Variants in ZNF99 observed in about 807,000 individuals in gnomAD.
ZNF99 encodes zinc finger protein 99.
ZNF99 carries 8 observed loss-of-function variants against 12.8 expected under a neutral mutation model. That is an observed-to-expected ratio of 0.62 (90% CI 0.37 to 1.13). The LOEUF is 1.13. Among genes scored for constraint, ZNF99 ranks in the 50% most tolerant of loss-of-function variants. ZNF99 has a pLI of 0.02. For missense variants in ZNF99, 1,007 were observed against 1,006.2 expected (o/e 1.00, Z -0.01); for synonymous variants, 318 against 319.0 (o/e 1.00, Z 0.03).
At chr19:22,775,530 A>C (rs2145156811) in intron 1 of ZNF99, among the ~76,000 whole-genome samples, 1 of 152,328 alleles carries the variant, frequency 6.6e-6, no homozygotes, top group Middle Eastern at 3.4e-3. Context: ...TACCAAAAGC[A>C]ACTGCAACAG....
intron 1 of ZNF99, among the ~76,000 whole-genome samples, chr19:22,779,876 C>T (rs936722626): frequency 2.6e-5 from 4 of 152,170 alleles, no homozygotes; most frequent in African/African-American, 7.2e-5. Context: ...TGTTGCAATA[C>T]CCTTTTGGAA....
chr19:22,763,578 C>T (rs1364148943), intron 3 of ZNF99, among the ~76,000 whole-genome samples: 2 of 151,990 alleles, frequency 1.3e-5, no homozygotes, highest in Non-Finnish European at 2.9e-5. Flanking sequence ...AAATTAAATG[C>T]AATTTCCATC....
At position 22,759,673 on chromosome 19, in the gene ZNF99, GAACT is replaced by G; in HGVS notation, c.232_235del (p.Ser78LeufsTer13). 6.5e-7 allele frequency: 1 copy of G among 1,529,748 alleles called. No individual in the cohort carries two copies. Among genetic ancestry groups the G allele is most frequent in the East Asian group, 2.3e-5 (1 of 43,700 alleles). 94.8% of individuals were successfully genotyped at this position (1,529,748 alleles called of 1,614,324 possible). On this transcript the variant is annotated frameshift_variant, in exon 4 of 4. Transcript: ENST00000596209. LOFTEE classifies it low-confidence loss of function (END_TRUNC). ...TGGCCAAAAGTCTTGTGTAAAATGA[GAACT>G]AATAACTGGAAGAAATGAAAATAAT...
In ZNF99 at chr19:22,771,246, C is replaced by CTTTTTTT. The variant is rs74174102; in HGVS notation, c.4-1929_4-1923dup. ...GCAACTTGCCTTTAAAAAGCATTTT[C>CTTTTTTT]TTTTTTTTTTTTTTTTTTTTTTTTT... On this transcript the variant is annotated intron_variant, in intron 1 of 3. Transcript: ENST00000596209. 3.1e-4 allele frequency: 21 copies of CTTTTTTT among 68,198 alleles called. 2 individuals carry two copies. The highest frequency in any genetic ancestry group is 1.2e-3 in the African/African-American group (18 of 14,700). 4.2% of individuals were successfully genotyped at this position (68,198 alleles called of 1,614,324 possible). A position where few individuals can be genotyped will look rare whatever the true frequency, so the allele number is the denominator to read the frequency against.
chr19:22,757,185 C>T lies in ZNF99; in HGVS notation c.*129G>A, dbSNP rs531719127. ...GTAAGGTGTGAGGACTGCTTAAAAG[C>T]TTTGCCACATTCTTCACATTTGTAT... On this transcript the variant is annotated 3_prime_UTR_variant, in exon 4 of 4. Transcript: ENST00000596209. The T allele has an allele frequency of 3.9e-4, 627 of 1,613,258 alleles. 5 individuals are homozygous for T. In the South Asian group the frequency reaches 6.4e-3, roughly 16 times the overall value.
intron 1 of ZNF99, among the ~76,000 whole-genome samples, chr19:22,778,400 A>G (rs1973352353): frequency 6.6e-6 from 1 of 151,878 alleles, no homozygotes; most frequent in Admixed American, 6.6e-5. Context: ...TCCCACACCA[A>G]CTCACTGTCT....
At chr19:22,781,123 T>C (rs1180121235) in intron 1 of ZNF99, among the ~76,000 whole-genome samples, 1 of 152,210 alleles carries the variant, frequency 6.6e-6, no homozygotes, top group Non-Finnish European at 1.5e-5. Flanking sequence ...CATCTCTTTT[T>C]TGCCCTTGGT....
In ZNF99 at chr19:22,755,783, T is replaced by C. The variant is rs1427918116; in HGVS notation, c.*1531A>G. Reference sequence around the variant, plus strand: ...AAAGCTTTGCCACATTCCTCACATTTGAAGGGTTTATCTTCAGTATGAATT... The same window carrying C: ...AAAGCTTTGCCACATTCCTCACATTCGAAGGGTTTATCTTCAGTATGAATT... On this transcript the variant is annotated 3_prime_UTR_variant, in exon 4 of 4. Transcript: ENST00000596209. 6.1e-6 allele frequency: 2 copies of C among 329,832 alleles called. No individual in the cohort carries two copies. Among genetic ancestry groups the C allele is most frequent in the African/African-American group, 2.2e-5 (1 of 46,336 alleles). The allele number at this position is 329,832 out of a possible 1,614,324, so 20.4% of individuals were successfully genotyped here. A position where few individuals can be genotyped will look rare whatever the true frequency, so the allele number is the denominator to read the frequency against.
intron 1 of ZNF99, among the ~76,000 whole-genome samples, chr19:22,780,081 G>A (rs1379309597): frequency 6.6e-6 from 1 of 152,048 alleles, no homozygotes; most frequent in Admixed American, 6.6e-5. Context: ...CTCCTTCCAT[G>A]ACTGGGGTGA....
chr19:22,767,450 A>G (rs1973217048), intron 3 of ZNF99, among the ~76,000 whole-genome samples: 1 of 152,192 alleles, frequency 6.6e-6, no homozygotes, highest in South Asian at 2.1e-4. Flanking sequence ...AGTAGCCACA[A>G]TTGGGTGAGG....
At chr19:22,759,771 G>C in intron 3 of ZNF99, 89 bp from the exon 4 acceptor site, 1 of 981,956 alleles carries the variant, frequency 1.0e-6, no homozygotes, top group East Asian at 2.8e-5. Context: ...TATACAAACC[G>C]CTTAAGCAAG....
rs199782935 is a variant in ZNF99 at position 22,778,157 on chromosome 19, T to A, written c.3+5857A>T. Reference sequence around the variant, plus strand: ...TGCACATGTATCCTAGAACTTAAATTAAAAAAAAAAAGAAAAAGGCGGTCT... The same window carrying A: ...TGCACATGTATCCTAGAACTTAAATAAAAAAAAAAAAGAAAAAGGCGGTCT... On this transcript the variant is annotated intron_variant, in intron 1 of 3. Coordinates refer to ENST00000596209, the MANE Select transcript of ZNF99 (RefSeq NM_001080409.3). Among the ~76,000 whole-genome samples, 705 of 96,688 alleles carry A rather than the reference T, an allele frequency of 7.3e-3. 8 individuals carry two copies. Among genetic ancestry groups the A allele is most frequent in the African/African-American group, 0.039 (664 of 17,184 alleles). 63.4% of individuals were successfully genotyped at this position (96,688 alleles called of 152,430 possible). A position where few individuals can be genotyped will look rare whatever the true frequency, so the allele number is the denominator to read the frequency against.
chr19:22,756,403 AT>A lies in ZNF99; in HGVS notation c.*910del. The A allele has an allele frequency of 6.3e-7, 1 of 1,589,164 alleles. No homozygotes were observed. The highest frequency in any genetic ancestry group is 8.6e-7 in the Non-Finnish European group (1 of 1,169,450). On this transcript the variant is annotated 3_prime_UTR_variant, in exon 4 of 4. Coordinates refer to ENST00000596209, the MANE Select transcript of ZNF99 (RefSeq NM_001080409.3). ...GTTTCTCTCCAGAATGAATTATCTT[AT>A]GTTTAGTAAGGTTTGAGGACTAAAT...
rs1887207063 is a variant in ZNF99, at chr19:22,755,342, T to TA, written c.*1971dup. On this transcript the variant is annotated 3_prime_UTR_variant, in exon 4 of 4. Coordinates refer to ENST00000596209, the MANE Select transcript of ZNF99 (RefSeq NM_001080409.3). ...TGTTGAGTAAGGTCTGAAAACCAGT[T>TA]AAAAGCTTTGCCACAGTTTTCATAT... The TA allele has an allele frequency of 3.8e-6, 1 of 266,116 alleles. No individual in the cohort carries two copies. Among genetic ancestry groups the TA allele is most frequent in the Non-Finnish European group, 7.8e-6 (1 of 128,738 alleles). The allele number at this position is 266,116 out of a possible 1,614,324, so 16.5% of individuals were successfully genotyped here. A position where few individuals can be genotyped will look rare whatever the true frequency, so the allele number is the denominator to read the frequency against.
chr19:22,767,524 T>C (rs528020683), intron 3 of ZNF99, among the ~76,000 whole-genome samples: 80 of 152,272 alleles, frequency 5.3e-4, no homozygotes, highest in African/African-American at 1.9e-3. Flanking sequence ...AAAAGATTGA[T>C]ATTATATAAT....
At chr19:22,760,595 T>C (rs1392657807) in intron 3 of ZNF99, among the ~76,000 whole-genome samples, 2 of 152,004 alleles carry the variant, frequency 1.3e-5, no homozygotes, top group East Asian at 1.9e-4. Flanking sequence ...ATACAAAAAA[T>C]TCGCCAGGTG....
intron 1 of ZNF99, among the ~76,000 whole-genome samples, chr19:22,780,352 CTATT>C (rs1973373836): frequency 6.6e-6 from 1 of 152,174 alleles, no homozygotes; most frequent in South Asian, 2.1e-4. Flanking sequence ...ACAAAAGTAT[CTATT>C]CTTTTCAGAC....
intron 1 of ZNF99, among the ~76,000 whole-genome samples, chr19:22,780,315 C>T (rs1265073140): frequency 1.3e-5 from 2 of 152,180 alleles, no homozygotes; most frequent in East Asian, 1.9e-4. Context: ...TTTTAAGGTG[C>T]TTACACTTTA....
At chr19:22,764,203 G>A (rs1973181238) in intron 3 of ZNF99, among the ~76,000 whole-genome samples, 1 of 151,966 alleles carries the variant, frequency 6.6e-6, no homozygotes, top group African/African-American at 2.4e-5. Context: ...CACCGCGCCT[G>A]GCCAGGGACT....
Sources: allele counts gnomAD v4.1 joint callset (sites outside exome capture counted in the v4.1 genomes callset), GRCh38; gene constraint gnomAD v4.1.1; transcripts MANE v1.5; gene names NCBI Gene and HGNC (gene_info 2026-07-23, HGNC 2026-07-21).